Variants in PC observed in about 807,000 individuals in gnomAD.
PC encodes the protein pyruvate carboxylase.
PC carries 46 observed loss-of-function variants against 107.8 expected under a neutral mutation model. The ratio of observed to expected loss-of-function variants is 0.43; its 90% CI spans 0.34 to 0.55. The LOEUF is 0.55. PC is among the 20% of genes least tolerant of loss of function. The pLI is 0.04. For missense variants in PC, 1,241 were observed against 1,643.1 expected, an observed-to-expected ratio of 0.76 and a Z score of 4.23; for synonymous variants, 662 against 684.7, an observed-to-expected ratio of 0.97 and a Z score of 0.52.
Position 66,901,530 on chromosome 11 carries a change from C to T in PC, c.1-29371G>A, listed in dbSNP as rs183726722. 3.2e-4 allele frequency among the ~76,000 whole-genome samples: 49 copies of T among 152,208 alleles called. No individual in the cohort carries two copies. In the East Asian group the frequency reaches 8.7e-3, roughly 27 times the overall value. On this transcript the variant is annotated intron_variant, in intron 3 of 22. Coordinates refer to ENST00000393960, the MANE Select transcript of PC (RefSeq NM_001040716.2). The stretch of plus-strand genomic sequence containing the variant: ...TGTCACCCAGGCTGCAGTACAATGG[C>T]GCGATCTTGGCTCACTGCAACCTCC...
At chr11:66,917,884 C>T (rs1948500460) in intron 3 of PC, among the ~76,000 whole-genome samples, 1 of 152,180 alleles carries the variant, frequency 6.6e-6, no homozygotes, top group African/African-American at 2.4e-5. Flanking sequence ...GAAAGACCTC[C>T]ATGGGCAGCC....
intron 3 of PC, among the ~76,000 whole-genome samples, chr11:66,885,733 A>G (rs1351857773): frequency 6.9e-6 from 1 of 143,984 alleles, no homozygotes; most frequent in Non-Finnish European, 1.5e-5. Flanking sequence ...GGCAGTGGCC[A>G]GGCAGGACCC....
chr11:66,852,465 T>C lies in PC; in HGVS notation c.1799A>G (p.Lys600Arg). 6.2e-7 allele frequency: 1 copy of C among 1,614,042 alleles called. No individual in the cohort carries two copies. Among genetic ancestry groups the C allele is most frequent in the Non-Finnish European group, 8.5e-7 (1 of 1,180,008 alleles). The change falls in exon 15 of 23, where the codon AAG (lysine) becomes AGG (arginine). Residue 600 changes from lysine (K) to arginine (R), a missense_variant. Coordinates refer to ENST00000393960, the MANE Select transcript of PC (RefSeq NM_001040716.2). The surrounding 1 kb of genome is among the most constrained non-coding windows in gnomAD (Gnocchi z 4.7). ...IAPYVAHNFS[K>R]LFSMENWGGA... Reference sequence around the variant, plus strand: ...TCCCCAGTTCTCCATGCTGAAGAGCTTGCTGAAGTTGTGGGCAACATAGGG... The same window carrying C: ...TCCCCAGTTCTCCATGCTGAAGAGCCTGCTGAAGTTGTGGGCAACATAGGG...
rs975199213 is a variant in PC at position 66,866,585 on chromosome 11, C to T, written c.1023-236G>A. Among the ~76,000 whole-genome samples, 5 of 152,128 alleles carry T rather than the reference C, an allele frequency of 3.3e-5. No individual in the cohort carries two copies. The highest frequency in any genetic ancestry group is 2.1e-4 in the South Asian group (1 of 4,814). On this transcript the variant is annotated intron_variant, in intron 10 of 22. Coordinates refer to ENST00000393960, the MANE Select transcript of PC (RefSeq NM_001040716.2). This position sits in a 1 kb window ranked among gnomAD's most constrained non-coding sequence, Gnocchi z 5.4. ...CAGTGCCTGGCAGCTGGAGATGGCC[C>T]GCTGAAATACCAGGACCACCTGCTC...
intron 12 of PC, among the ~76,000 whole-genome samples, chr11:66,861,172 G>A (rs1164441896): frequency 1.3e-5 from 2 of 152,186 alleles, no homozygotes; most frequent in African/African-American, 4.8e-5. Context: ...GGATGGGCAC[G>A]AGCCCTGCTT....
At chr11:66,876,764 C>G (rs543941277) in intron 3 of PC, among the ~76,000 whole-genome samples, 108 of 152,218 alleles carry the variant, frequency 7.1e-4, no homozygotes, top group Non-Finnish European at 3.4e-4. Flanking sequence ...TCTCACCCTC[C>G]TCCTGGGCAC....
rs1945378120 is a variant in PC, at chr11:66,849,997, C to T, written c.2838G>A (p.Glu946=). Residue 946 remains glutamate, a synonymous_variant, in exon 20 of 23, where the codon GAG becomes GAA. Transcript: ENST00000393960. ...GGACACCGATGTAGCCCTGCAGGAA[C>T]TCCACCACGGAGCGGGGAAAGGACA... ...EELSFPRSVV[E]FLQGYIGVPH... is the part of the protein sequence containing the mutation. 5.0e-6 allele frequency: 8 copies of T among 1,613,610 alleles called. No homozygotes were observed. Among genetic ancestry groups the T allele is most frequent in the Admixed American group, 1.7e-5 (1 of 60,014 alleles).
Position 66,850,343 on chromosome 11 carries a change from C to T in PC, c.2595G>A (p.Glu865=), listed in dbSNP as rs904511577. The T allele has an allele frequency of 6.2e-7, 1 of 1,614,026 alleles. No homozygotes were observed. The highest frequency in any genetic ancestry group is 1.3e-5 in the African/African-American group (1 of 74,928). ...KSGNSDVYEN[E]IPGGQYTNLH... The stretch of plus-strand genomic sequence containing the variant: ...GGTTGGTGTACTGGCCCCCTGGGAT[C>T]TCATTTTCATACACGTCCGAGTTGC... Residue 865 remains glutamate (E), a synonymous_variant, in exon 19 of 23, where the codon GAG becomes GAA. Transcript: ENST00000393960.
chr11:66,863,755 G>C lies in PC; in HGVS notation c.1368+19C>G, dbSNP rs756973054. The C allele has an allele frequency of 6.3e-7, 1 of 1,598,846 alleles. No individual in the cohort carries two copies. The highest frequency in any genetic ancestry group is 8.5e-7 in the Non-Finnish European group (1 of 1,172,732). The stretch of plus-strand genomic sequence containing the variant: ...CCAAGGGCCGGGAGCAAAGGCAGGC[G>C]GGGGCTGCAGCCTCTCACCTTCACA... On this transcript the variant is annotated intron_variant, in intron 12 of 22. Transcript: ENST00000393960.
chr11:66,860,252 G>T, intron 12 of PC: 2 of 1,536,746 alleles, frequency 1.3e-6, no homozygotes, highest in African/African-American at 1.4e-5. Flanking sequence ...CAGAGGGCCC[G>T]GGGCCGCCGC....
chr11:66,936,156 G>A (rs1333082151), intron 3 of PC, among the ~76,000 whole-genome samples: 1 of 151,874 alleles, frequency 6.6e-6, no homozygotes, highest in East Asian at 1.9e-4. Flanking sequence ...GCTGAGGTGG[G>A]AGCATTGCTT....
chr11:66,877,591 T>G (rs939807744), intron 3 of PC, among the ~76,000 whole-genome samples: 1 of 152,190 alleles, frequency 6.6e-6, no homozygotes, highest in East Asian at 1.9e-4. Context: ...TCATTACTAT[T>G]CCAGAAATCC....
In PC at chr11:66,857,058, G is replaced by GCGCCCGCCGGCGCGCACCCGCT. The variant is rs1565222457; in HGVS notation, c.1369-3697_1369-3676dup. On this transcript the variant is annotated intron_variant, in intron 12 of 22. Coordinates refer to ENST00000393960, the MANE Select transcript of PC (RefSeq NM_001040716.2). The surrounding 1 kb of genome is among the most constrained non-coding windows in gnomAD (Gnocchi z 7.1). ...CTCCACGTGCGTGTCCGCGGCGCGC[G>GCGCCCGCCGGCGCGCACCCGCT]CGCCCGCCGGCGCGCACCCGCTCGC... is the stretch of plus-strand genomic sequence containing the variant. 1 of 146,562 alleles carries GCGCCCGCCGGCGCGCACCCGCT rather than the reference G, an allele frequency of 6.8e-6. No individual in the cohort carries two copies. The highest frequency in any genetic ancestry group is 1.5e-5 in the Non-Finnish European group (1 of 65,852). 9.1% of individuals were successfully genotyped at this position (146,562 alleles called of 1,614,324 possible). A position where few individuals can be genotyped will look rare whatever the true frequency, so the allele number is the denominator to read the frequency against.
chr11:66,895,850 C>T (rs912134424), intron 3 of PC, among the ~76,000 whole-genome samples: 2 of 152,158 alleles, frequency 1.3e-5, no homozygotes, highest in African/African-American at 4.8e-5. Context: ...AGTTTCCACA[C>T]TGGAAGGACT....
chr11:66,859,643 C>T lies in PC; in HGVS notation c.1368+4131G>A, dbSNP rs1333544261. ...CACCTGCCCTTGCCTGCAGGATTGT[C>T]CCAGCCTCCAGCCACCACTTCCTGC... On this transcript the variant is annotated intron_variant, in intron 12 of 22. Transcript: ENST00000393960. 6 of 1,612,782 alleles carry T rather than the reference C, an allele frequency of 3.7e-6. No individual in the cohort carries two copies. The African/African-American group carries it at 6.7e-5, about 18-fold the overall frequency.
rs774375052 is a variant in PC at position 66,849,048 on chromosome 11, T to G, written c.3388A>C (p.Lys1130Gln). The G allele has an allele frequency of 6.2e-7, 1 of 1,614,044 alleles. No homozygotes were observed. The highest frequency in any genetic ancestry group is 8.5e-7 in the Non-Finnish European group (1 of 1,180,026). ...VIDIKVVAGA[K>Q]VAKGQPLCVL... ...CACAGGGGCTGGCCCTTGGCCACCT[T>G]GGCCCCTGCCACCACTTTGATGTCT... is the stretch of plus-strand genomic sequence containing the variant. The change falls in exon 23 of 23, where the codon AAG (lysine) becomes CAG (glutamine). Residue 1130 changes from lysine to glutamine, a missense_variant. Around this residue, in one of 2 missense-constraint regions of PC, gnomAD observed 98 missense variants for 91.2 expected, o/e 1.07. Transcript: ENST00000393960.
Position 66,871,929 on chromosome 11 carries a change from G to C in PC, c.137-58C>G, listed in dbSNP as rs1240972796. ...TAGGTCCTAGGAGAAGCAGAAAGGGGAGTGGGAAGCCAGGGCCTGGGGCAG... is the reference window on the plus strand; with the variant it reads ...TAGGTCCTAGGAGAAGCAGAAAGGGCAGTGGGAAGCCAGGGCCTGGGGCAG... On this transcript the variant is annotated intron_variant, in intron 4 of 22. Transcript: ENST00000393960. The surrounding 1 kb of genome is among the most constrained non-coding windows in gnomAD (Gnocchi z 7.4). 6.3e-7 allele frequency: 1 copy of C among 1,582,040 alleles called. No homozygotes were observed. The highest frequency in any genetic ancestry group is 1.3e-5 in the African/African-American group (1 of 74,438).
chr11:66,857,937 C>T lies in PC; in HGVS notation c.1369-4554G>A, dbSNP rs1176928179. ...TGACAACTTCATCCAGGCCCTGGGG[C>T]CCCCTGACTTCCGCAACATGACGGG... On this transcript the variant is annotated intron_variant, in intron 12 of 22. Coordinates refer to ENST00000393960, the MANE Select transcript of PC (RefSeq NM_001040716.2). This position sits in a 1 kb window ranked among gnomAD's most constrained non-coding sequence, Gnocchi z 7.1. 2 of 1,612,224 alleles carry T rather than the reference C, an allele frequency of 1.2e-6. No individual in the cohort carries two copies. The highest frequency in any genetic ancestry group is 3.3e-5 in the Admixed American group (2 of 60,022).
rs544648452 is a variant in PC at position 66,931,739 on chromosome 11, CG to C, written c.-1+20690del. ...AACAATAGATATATGTTTCTGTAGC[CG>C]GGCGCAGTGGCTCACGCCTGTAATC... On this transcript the variant is annotated intron_variant, in intron 3 of 22. Coordinates refer to ENST00000393960, the MANE Select transcript of PC (RefSeq NM_001040716.2). Among the ~76,000 whole-genome samples the C allele has an allele frequency of 1.8e-3, 278 of 152,098 alleles. 2 individuals carry two copies. The highest frequency in any genetic ancestry group is 3.3e-3 in the Non-Finnish European group (224 of 67,990).
Sources: allele counts gnomAD v4.1 joint callset (sites outside exome capture counted in the v4.1 genomes callset), GRCh38; gene constraint gnomAD v4.1.1; regional missense constraint gnomAD v4.1.1; non-coding constraint Gnocchi (gnomAD v3.1); transcripts MANE v1.5; gene names NCBI Gene and HGNC (gene_info 2026-07-23, HGNC 2026-07-21).